JMJD4: variants seen among roughly 807,000 people sequenced by gnomAD.
JMJD4 encodes the protein 2-oxoglutarate and iron-dependent oxygenase JMJD4.
Under a neutral mutation model 36.3 loss-of-function variants are expected in JMJD4, and 34 were observed. The observed-to-expected ratio is 0.94, with a 90% CI of 0.71 to 1.25. The LOEUF (loss-of-function observed/expected upper bound fraction) is 1.25, where lower values mean the gene tolerates loss of function less well. Ranked by LOEUF, JMJD4 falls within the 50% of genes most tolerant of loss-of-function variation. The pLI is 0.00. For missense variants in JMJD4, 584 were observed against 559.1 expected, an observed-to-expected ratio of 1.04 and a Z score of -0.45; for synonymous variants, 269 against 235.3, an observed-to-expected ratio of 1.14 and a Z score of -1.31.
chr1:227,733,075 CCT>C lies in JMJD4; in HGVS notation c.823-50_823-49del, dbSNP rs781339516. ...AGGCCTGAGCCCATGGCAGGTGCCC[CCT>C]GACCAACCCACATCTCCTGCGCCAG... On this transcript the variant is annotated intron_variant, in intron 4 of 5. Coordinates refer to ENST00000620518, the MANE Select transcript of JMJD4 (RefSeq NM_023007.3). The C allele has an allele frequency of 6.3e-6, 10 of 1,598,614 alleles. No individual in the cohort carries two copies. The Admixed American group carries it at 1.0e-4, about 16-fold the overall frequency.
intron 5 of JMJD4, 100 bp downstream of exon 5, chr1:227,732,781 G>A: frequency 1.3e-6 from 2 of 1,591,510 alleles, no homozygotes; most frequent in African/African-American, 1.3e-5. Flanking sequence ...GGACCATTAA[G>A]ACAGAGGCAC....
intron 1 of JMJD4, 44 bp from the exon 2 acceptor site, chr1:227,734,860 C>A: frequency 1.9e-6 from 3 of 1,610,020 alleles, no homozygotes; most frequent in Non-Finnish European, 2.5e-6. Flanking sequence ...TGGGCCCCGT[C>A]CTCACTCCAA....
At position 227,735,291 on chromosome 1, in the gene JMJD4, G is replaced by A. The variant is rs770795482; in HGVS notation, c.-18C>T. On this transcript the variant is annotated 5_prime_UTR_variant, in exon 1 of 6. Transcript: ENST00000620518. ...CGGTCCATCCAGCTCAGCACGGGTCGAAGGACCCTCCTCCTCACTTCCGCC... is the reference window on the plus strand; with the variant it reads ...CGGTCCATCCAGCTCAGCACGGGTCAAAGGACCCTCCTCCTCACTTCCGCC... 12 of 1,605,598 alleles carry A rather than the reference G, an allele frequency of 7.5e-6. No individual in the cohort carries two copies. The South Asian group carries it at 7.8e-5, about 10-fold the overall frequency.
intron 4 of JMJD4, 185 bp from the exon 5 acceptor site, chr1:227,733,212 G>T: frequency 1.2e-6 from 1 of 857,060 alleles, no homozygotes; most frequent in Non-Finnish European, 1.8e-6. Flanking sequence ...TCAGGCCACA[G>T]TGAACCCAGA....
chr1:227,732,940 C>A lies in JMJD4; in HGVS notation c.910G>T (p.Val304Leu). ...CTCCACTCGCTGACCTCCTCCTGCA[C>A]GGCGCATAGCTCCTGCTGCAAGAAG... ...WRFLQQELCA[V>L]QEEVSEWRDS... The change falls in exon 5 of 6, where the codon GTG becomes TTG. Residue 304 changes from valine (V) to leucine (L), a missense_variant. Physicochemically the swap from Val to Leu is conservative, Grantham distance 32. Transcript: ENST00000620518. The A allele has an allele frequency of 6.2e-7, 1 of 1,613,188 alleles. No homozygotes were observed. Among genetic ancestry groups the A allele is most frequent in the Non-Finnish European group, 8.5e-7 (1 of 1,180,014 alleles).
chr1:227,733,787 C>G, intron 3 of JMJD4, 106 bp from the exon 4 acceptor site: 1 of 1,584,626 alleles, frequency 6.3e-7, no homozygotes. Context: ...CCCTTGGTCT[C>G]AAGGGATGGC....
intron 4 of JMJD4, 192 bp downstream of exon 4, chr1:227,733,222 A>C: frequency 1.2e-6 from 1 of 847,088 alleles, no homozygotes; most frequent in Non-Finnish European, 1.8e-6. Flanking sequence ...GTGAACCCAG[A>C]GCAAGTAGAC....
In JMJD4 at chr1:227,734,703, C is replaced by T. The variant is rs1660946722; in HGVS notation, c.376G>A (p.Gly126Ser). 5 of 1,614,030 alleles carry T rather than the reference C, an allele frequency of 3.1e-6. No individual in the cohort carries two copies. The highest frequency in any genetic ancestry group is 1.6e-4 in the Middle Eastern group (1 of 6,066). Residue 126 changes from glycine (G) to serine (S), a missense_variant, in exon 2 of 6, where the codon GGC becomes AGC. Physicochemically the swap from Gly to Ser is moderately conservative, Grantham distance 56. Coordinates refer to ENST00000620518, the MANE Select transcript of JMJD4 (RefSeq NM_023007.3). Reference protein sequence around the residue: ...ITYWKEYIQAGYSSPRGCLYL... With the variant: ...ITYWKEYIQASYSSPRGCLYL... ...AGACAGCCCCTGGGAGAGGAGTAGC[C>T]CGCCTGTATGTACTCTTTCCAGTAG...
chr1:227,734,817 CTGAAA>C lies in JMJD4; in HGVS notation c.263-6_263-2del, dbSNP rs1387340109. 4.3e-6 allele frequency: 7 copies of C among 1,613,758 alleles called. No individual in the cohort carries two copies. Among genetic ancestry groups the C allele is most frequent in the Non-Finnish European group, 5.9e-6 (7 of 1,179,998 alleles). ...TTTGCAACTGGTACAACCACGTCTC[CTGAAA>C]TGAAAGGCACGGTCCATGCCATCTC... On this transcript the variant is annotated splice_acceptor_variant and splice_polypyrimidine_tract_variant and intron_variant, in intron 1 of 5. Transcript: ENST00000620518. LOFTEE classifies it high-confidence loss of function.
At chr1:227,733,052 G>A (rs200456264) in intron 4 of JMJD4, 25 bp from the exon 5 acceptor site, 17 of 1,611,954 alleles carry the variant, frequency 1.1e-5, no homozygotes, top group Non-Finnish European at 1.4e-5. Context: ...GTGCAGGCAG[G>A]CCTGAGCCCA....
rs773243553 is a variant in JMJD4 at position 227,733,714 on chromosome 1, T to C, written c.555-33A>G. 20 of 1,598,584 alleles carry C rather than the reference T, an allele frequency of 1.3e-5. No individual in the cohort carries two copies. In the East Asian group the frequency reaches 4.2e-4, roughly 34 times the overall value. Reference sequence around the variant, plus strand: ...AGCAAGAGCGCCTGGTTCATGCCTGTAGGGGCTGGTATGGGCTTTGCTTGG... The same window carrying C: ...AGCAAGAGCGCCTGGTTCATGCCTGCAGGGGCTGGTATGGGCTTTGCTTGG... On this transcript the variant is annotated intron_variant, in intron 3 of 5. Transcript: ENST00000620518.
At chr1:227,734,574 C>T in intron 2 of JMJD4, 77 bp downstream of exon 2, 1 of 1,444,160 alleles carries the variant, frequency 6.9e-7, no homozygotes, top group East Asian at 2.3e-5. Flanking sequence ...ACCCAGGGGC[C>T]ACCTTCATCA....
At chr1:227,732,853 G>A in intron 5 of JMJD4, 28 bp downstream of exon 5, 2 of 1,611,446 alleles carry the variant, frequency 1.2e-6, no homozygotes, top group Non-Finnish European at 1.7e-6. Context: ...TCCCCCAGGA[G>A]GGTAGCCTCC....
Position 227,733,461 on chromosome 1 carries a change from C to T in JMJD4, c.775G>A (p.Glu259Lys), listed in dbSNP as rs1001585426. 1.5e-5 allele frequency: 24 copies of T among 1,589,696 alleles called. No homozygotes were observed. The African/African-American group carries it at 1.9e-4, about 13-fold the overall frequency. ...PPLEITQEAG[E>K]MVFVPSGWHH... ...CAGCCACTGGGCACAAACACCATCT[C>T]GCCCGCTTCCTGCGTGATCTCCAAG... Residue 259 changes from glutamate to lysine, a missense_variant, in exon 4 of 6, where the codon GAG (glutamate) becomes AAG (lysine). Transcript: ENST00000620518.
rs112034544 is a variant in JMJD4, at chr1:227,733,096, G to A, written c.823-69C>T. ...GCCCCCTGACCAACCCACATCTCCT[G>A]CGCCAGGAACCCACTGTGGGGTCCA... On this transcript the variant is annotated intron_variant, in intron 4 of 5. Coordinates refer to ENST00000620518, the MANE Select transcript of JMJD4 (RefSeq NM_023007.3). The A allele has an allele frequency of 5.8e-5, 90 of 1,549,660 alleles. No homozygotes were observed. The African/African-American group carries it at 8.8e-4, about 15-fold the overall frequency.
At chr1:227,734,497 C>A (rs950109556) in intron 2 of JMJD4, 154 bp downstream of exon 2, 10 of 657,278 alleles carry the variant, frequency 1.5e-5, no homozygotes, top group Non-Finnish European at 2.3e-5. Flanking sequence ...TGCAGCCATG[C>A]GGAAGACAAT....
In JMJD4 at chr1:227,731,253, G is replaced by C. The variant is rs572795457; in HGVS notation, c.*1139C>G. 2.0e-5 allele frequency: 3 copies of C among 152,418 alleles called. No individual in the cohort carries two copies. The South Asian group carries it at 6.2e-4, about 32-fold the overall frequency. The allele number at this position is 152,418 out of a possible 1,614,324, so 9.4% of individuals were successfully genotyped here. On this transcript the variant is annotated 3_prime_UTR_variant, in exon 6 of 6. Transcript: ENST00000620518. ...GCACCTACTGTGTAAAGCTGCCTTT[G>C]CAAGCACTTCACATGATTCACTGAA... is the stretch of plus-strand genomic sequence containing the variant.
Position 227,735,274 on chromosome 1 carries a change from C to G in JMJD4, c.-1G>C, listed in dbSNP as rs201397186. 1.9e-6 allele frequency: 3 copies of G among 1,606,786 alleles called. No homozygotes were observed. Among genetic ancestry groups the G allele is most frequent in the Middle Eastern group, 1.7e-4 (1 of 6,042 alleles). On this transcript the variant is annotated 5_prime_UTR_variant, in exon 1 of 6. Coordinates refer to ENST00000620518, the MANE Select transcript of JMJD4 (RefSeq NM_023007.3). The stretch of plus-strand genomic sequence containing the variant: ...CGAGGGCGCGCGTCTCGCGGTCCAT[C>G]CAGCTCAGCACGGGTCGAAGGACCC...
rs751904654 is a variant in JMJD4, at chr1:227,734,650, C to G, written c.428+1G>C. Reference sequence around the variant, plus strand: ...CCTCGGTGCGTCCCAAGCCCCATTACCTGCACAAGTGCCAGTCTTTGAGGT... The same window carrying G: ...CCTCGGTGCGTCCCAAGCCCCATTAGCTGCACAAGTGCCAGTCTTTGAGGT... On this transcript the variant is annotated splice_donor_variant, in intron 2 of 5. Transcript: ENST00000620518. LOFTEE classifies it high-confidence loss of function. 11 of 1,613,952 alleles carry G rather than the reference C, an allele frequency of 6.8e-6. No homozygotes were observed. The highest frequency in any genetic ancestry group is 9.3e-6 in the Non-Finnish European group (11 of 1,179,956).
Sources: allele counts gnomAD v4.1 joint callset, GRCh38; gene constraint gnomAD v4.1.1; transcripts MANE v1.5; gene names NCBI Gene and HGNC (gene_info 2026-07-23, HGNC 2026-07-21).